The following CD83 variants were observed in gnomAD, a reference collection of about 807,000 sequenced individuals.
CD83 encodes CD83 antigen.
A neutral mutation model predicts 24.6 loss-of-function variants in CD83; 22 were observed. The observed-to-expected ratio is 0.90, with a 90% confidence interval of 0.64 to 1.28. CD83 has a LOEUF of 1.28. Ranked by LOEUF, CD83 falls within the 50% of genes most tolerant of loss-of-function variation. The pLI is 0.00. For missense variants in CD83, 253 were observed against 252.8 expected (o/e 1.00, Z -0.01); for synonymous variants, 101 against 103.5 (o/e 0.98, Z 0.14).
intron 4 of CD83, among the ~76,000 whole-genome samples, chr6:14,134,531 C>T (rs1204080541): frequency 6.6e-6 from 1 of 152,222 alleles, no homozygotes; most frequent in East Asian, 1.9e-4. Flanking sequence ...AGACTTCACC[C>T]AGGAGCTACC....
Position 14,135,651 on chromosome 6 carries a change from G to A in CD83, c.*415G>A. On this transcript the variant is annotated 3_prime_UTR_variant, in exon 5 of 5. Transcript: ENST00000379153. The stretch of plus-strand genomic sequence containing the variant: ...GGGGACATCTCTTTGAATTTTCTGT[G>A]TTTTGCTGTACCAGCCCAGATGTTT... The A allele has an allele frequency of 6.2e-6, 1 of 161,444 alleles. No individual in the cohort carries two copies. The highest frequency in any genetic ancestry group is 1.4e-5 in the Non-Finnish European group (1 of 73,818). The allele number at this position is 161,444 out of a possible 1,614,324, so 10.0% of individuals were successfully genotyped here.
intron 2 of CD83, among the ~76,000 whole-genome samples, chr6:14,122,658 G>T (rs1464967877): frequency 6.6e-6 from 1 of 151,988 alleles, no homozygotes; most frequent in African/African-American, 2.4e-5. Flanking sequence ...AAATCGTACT[G>T]TCCCCATTGG....
At chr6:14,121,616 C>CA (rs57805122) in intron 2 of CD83, among the ~76,000 whole-genome samples, 560 of 53,586 alleles carry the variant, frequency 0.01, no homozygotes, top group Non-Finnish European at 0.012. Context: ...CTGTCTCTAC[C>CA]AAAAAAAAAA....
chr6:14,132,567 AT>A (rs928312076), intron 3 of CD83, among the ~76,000 whole-genome samples: 2 of 152,194 alleles, frequency 1.3e-5, no homozygotes, highest in African/African-American at 4.8e-5. Context: ...CAGTTCTCTA[AT>A]CTCTAAAATG....
In CD83 at chr6:14,135,287, C is replaced by T. The variant is rs183277390; in HGVS notation, c.*51C>T. The T allele has an allele frequency of 6.3e-7, 1 of 1,590,164 alleles. No individual in the cohort carries two copies. The highest frequency in any genetic ancestry group is 1.4e-5 in the African/African-American group (1 of 73,910). On this transcript the variant is annotated 3_prime_UTR_variant, in exon 5 of 5. Coordinates refer to ENST00000379153, the MANE Select transcript of CD83 (RefSeq NM_004233.4). ...CTGAAGCTGAGGCTCAGGGGTGTGC[C>T]TGTCTGTTACACTGGAGGAGAGAAG...
rs1308632148 is a variant in CD83, at chr6:14,123,094, G to GT, written c.153+5034dup. ...TGAAGGATTTTTTGTTTGTTTGTTT[G>GT]TTTTTGTTTTTTTTTTTTTTGAGAC... is the stretch of plus-strand genomic sequence containing the variant. On this transcript the variant is annotated intron_variant, in intron 2 of 4. Coordinates refer to ENST00000379153, the MANE Select transcript of CD83 (RefSeq NM_004233.4). Among the ~76,000 whole-genome samples the GT allele has an allele frequency of 2.2e-3, 324 of 150,038 alleles. 2 individuals are homozygous for GT. The highest frequency in any genetic ancestry group is 7.6e-3 in the African/African-American group (311 of 41,028).
intron 2 of CD83, among the ~76,000 whole-genome samples, chr6:14,125,640 A>G (rs1383342170): frequency 1.3e-5 from 2 of 152,184 alleles, no homozygotes; most frequent in South Asian, 2.1e-4. Context: ...TTCAGAGGAC[A>G]TGAACTCAGA....
chr6:14,126,959 C>G (rs1271392722), intron 2 of CD83, among the ~76,000 whole-genome samples: 1 of 151,654 alleles, frequency 6.6e-6, no homozygotes, highest in Non-Finnish European at 1.5e-5. Context: ...AGGTAGGTAC[C>G]TATTGCACAT....
In CD83 at chr6:14,135,816, G is replaced by C. The variant is rs1758036602; in HGVS notation, c.*580G>C. ...TAACAAGTCGATGAACTATTCCCCA[G>C]CAGGGTCTTTTCATCTGGGAAAGAC... On this transcript the variant is annotated 3_prime_UTR_variant, in exon 5 of 5. Coordinates refer to ENST00000379153, the MANE Select transcript of CD83 (RefSeq NM_004233.4). 1 of 152,258 alleles carries C rather than the reference G, an allele frequency of 6.6e-6. No homozygotes were observed. The highest frequency in any genetic ancestry group is 6.5e-5 in the Admixed American group (1 of 15,286). The allele number at this position is 152,258 out of a possible 1,614,324, so 9.4% of individuals were successfully genotyped here.
Position 14,129,868 on chromosome 6 carries a change from C to G in CD83, c.154-1652C>G, listed in dbSNP as rs543152076. Among the ~76,000 whole-genome samples, 36 of 143,538 alleles carry G rather than the reference C, an allele frequency of 2.5e-4. 1 individual carries two copies. Among genetic ancestry groups the G allele is most frequent in the African/African-American group, 8.8e-4 (32 of 36,428 alleles). The allele number at this position is 143,538 out of a possible 152,430, so 94.2% of individuals were successfully genotyped here. ...GTGTGTGTGTGTGTGTGTGTGTATA[C>G]GAGTGCACACGTGCCCATGTGTATG... is the stretch of plus-strand genomic sequence containing the variant. On this transcript the variant is annotated intron_variant, in intron 2 of 4. Coordinates refer to ENST00000379153, the MANE Select transcript of CD83 (RefSeq NM_004233.4). The surrounding 1 kb of genome is among the most constrained non-coding windows in gnomAD (Gnocchi z 4.3).
Position 14,117,867 on chromosome 6 carries a change from T to C in CD83, c.37+19T>C. ...AGCTGCGGTAGGGCTCGCGAGCGCCTGTCTCGCCTGTCGCCCCCCGCCCCT... is the reference window on the plus strand; with the variant it reads ...AGCTGCGGTAGGGCTCGCGAGCGCCCGTCTCGCCTGTCGCCCCCCGCCCCT... On this transcript the variant is annotated intron_variant, in intron 1 of 4. Coordinates refer to ENST00000379153, the MANE Select transcript of CD83 (RefSeq NM_004233.4). This position sits in a 1 kb window ranked among gnomAD's most constrained non-coding sequence, Gnocchi z 4.6. The C allele has an allele frequency of 6.3e-7, 1 of 1,575,154 alleles. No homozygotes were observed. Among genetic ancestry groups the C allele is most frequent in the Non-Finnish European group, 8.6e-7 (1 of 1,167,422 alleles).
At chr6:14,131,927 G>A (rs1355806787) in intron 3 of CD83, among the ~76,000 whole-genome samples, 179 bp downstream of exon 3, 1 of 152,178 alleles carries the variant, frequency 6.6e-6, no homozygotes, top group Non-Finnish European at 1.5e-5. Flanking sequence ...CTTAAATGAT[G>A]CCTTTTGTTT....
intron 2 of CD83, among the ~76,000 whole-genome samples, chr6:14,128,835 ACCG>A: frequency 1.3e-5 from 2 of 152,312 alleles, no homozygotes; most frequent in African/African-American, 4.8e-5. Context: ...TGGAAATCTA[ACCG>A]TCAAATAAAT....
At chr6:14,126,886 A>G (rs1410731039) in intron 2 of CD83, among the ~76,000 whole-genome samples, 6 of 152,240 alleles carry the variant, frequency 3.9e-5, no homozygotes, top group Non-Finnish European at 8.8e-5. Context: ...CTTACAATCT[A>G]TACCCTTAAA....
At chr6:14,133,235 G>A (rs1315147457) in intron 3 of CD83, among the ~76,000 whole-genome samples, 3 of 152,248 alleles carry the variant, frequency 2.0e-5, no homozygotes, top group African/African-American at 7.2e-5. Context: ...GGATTAACAA[G>A]TGGTGGTTCA....
intron 2 of CD83, among the ~76,000 whole-genome samples, chr6:14,125,806 A>G (rs1029798402): frequency 2.0e-5 from 3 of 152,226 alleles, no homozygotes; most frequent in African/African-American, 7.2e-5. Flanking sequence ...TAAAAAATAC[A>G]GAATGTTGTG....
At position 14,117,950 on chromosome 6, in the gene CD83, C is replaced by T. The variant is rs187657576; in HGVS notation, c.38C>T (p.Ala13Val). 6.2e-7 allele frequency: 1 copy of T among 1,607,340 alleles called. No homozygotes were observed. Among genetic ancestry groups the T allele is most frequent in the Non-Finnish European group, 8.5e-7 (1 of 1,178,658 alleles). ...RGLQLLLLSC[A>V]YSLAPATPEV... Reference sequence around the variant, plus strand: ...ACGACGCGCTCTCTCTTTCTTGTAGCCTACAGCCTGGCTCCCGCGACGCCG... The same window carrying T: ...ACGACGCGCTCTCTCTTTCTTGTAGTCTACAGCCTGGCTCCCGCGACGCCG... The change falls in exon 2 of 5, where the codon GCC becomes GTC. Residue 13 changes from alanine (A) to valine (V), a missense_variant and splice_region_variant. By Grantham distance (64) the Ala-to-Val change is moderately conservative. Transcript: ENST00000379153. This position sits in a 1 kb window ranked among gnomAD's most constrained non-coding sequence, Gnocchi z 4.6.
At chr6:14,125,390 T>A (rs1156981263) in intron 2 of CD83, among the ~76,000 whole-genome samples, 1 of 152,224 alleles carries the variant, frequency 6.6e-6, no homozygotes, top group Non-Finnish European at 1.5e-5. Flanking sequence ...ACATCCTTTA[T>A]CTGAAATGCC....
intron 2 of CD83, among the ~76,000 whole-genome samples, chr6:14,127,902 T>C (rs1193968004): frequency 6.6e-6 from 1 of 152,262 alleles, no homozygotes; most frequent in East Asian, 1.9e-4. Context: ...GCTGAAATTG[T>C]GTTGTGCTTT....
Sources: gnomAD v4.1 joint callset for allele counts (sites outside exome capture counted in the v4.1 genomes callset) on GRCh38, gnomAD v4.1.1 for gene constraint, Gnocchi (gnomAD v3.1) non-coding constraint, MANE v1.5 for transcripts, NCBI Gene and HGNC (gene_info 2026-07-23, HGNC 2026-07-21) for gene names.